SLC39A11: variants seen among roughly 807,000 people sequenced by gnomAD.
The protein encoded by SLC39A11 is zinc transporter ZIP11.
SLC39A11 carries 33 observed loss-of-function variants against 36.1 expected under a neutral mutation model. The observed-to-expected ratio is 0.91, with a 90% CI of 0.69 to 1.22. SLC39A11 has a LOEUF of 1.22. Among genes scored for constraint, SLC39A11 ranks in the 50% most tolerant of loss-of-function variants. SLC39A11 has a pLI of 0.00. For missense variants in SLC39A11, 432 were observed against 430.3 expected (o/e 1.00, Z -0.03); for synonymous variants, 166 against 170.3 (o/e 0.97, Z 0.20).
chr17:72,960,750 G>T (rs2086558753), intron 4 of SLC39A11, among the ~76,000 whole-genome samples: 3 of 152,060 alleles, frequency 2.0e-5, no homozygotes, highest in Admixed American at 1.3e-4. Flanking sequence ...GCTGAAGGCT[G>T]CAGTGAGCCA....
At chr17:73,028,280 G>A (rs58524092) in intron 4 of SLC39A11, among the ~76,000 whole-genome samples, 6,638 of 152,220 alleles carry the variant, frequency 0.044, 186 homozygotes, top group East Asian at 0.077. Flanking sequence ...ATAAACGCGT[G>A]GGTGCTCAGT....
rs575587631 is a variant in SLC39A11, at chr17:73,013,912, C to T, written c.306+17644G>A. ...TGACTCCTAAATCAGGAATCTGAGA[C>T]GCAGAGGCCCAGCGATTTGATGGAG... On this transcript the variant is annotated intron_variant, in intron 4 of 9. Transcript: ENST00000255559. 3.3e-5 allele frequency among the ~76,000 whole-genome samples: 5 copies of T among 152,236 alleles called. No homozygotes were observed. The South Asian group carries it at 6.2e-4, about 19-fold the overall frequency.
intron 5 of SLC39A11, among the ~76,000 whole-genome samples, chr17:72,924,945 T>C (rs1038822991): frequency 1.4e-5 from 2 of 142,774 alleles, no homozygotes; most frequent in African/African-American, 5.4e-5. Context: ...GAGGTTGCAG[T>C]GAGCCGAGAT....
At chr17:72,908,470 A>G (rs778633047) in intron 5 of SLC39A11, among the ~76,000 whole-genome samples, 6 of 152,160 alleles carry the variant, frequency 3.9e-5, no homozygotes, top group Non-Finnish European at 8.8e-5. Context: ...CCAAGACACT[A>G]TGTGACTTGC....
intron 7 of SLC39A11, among the ~76,000 whole-genome samples, chr17:72,651,910 C>T (rs2069871623): frequency 6.6e-6 from 1 of 152,156 alleles, no homozygotes; most frequent in Non-Finnish European, 1.5e-5. Context: ...CGAGTCTACC[C>T]AAATCCCTGT....
intron 4 of SLC39A11, among the ~76,000 whole-genome samples, chr17:72,981,744 CATAA>C (rs1223599215): frequency 1.3e-5 from 2 of 152,012 alleles, no homozygotes; most frequent in Non-Finnish European, 2.9e-5. Context: ...TTGGAAGCAC[CATAA>C]ACAGACTCAC....
At chr17:72,789,368 C>T (rs1394093660) in intron 6 of SLC39A11, among the ~76,000 whole-genome samples, 8 of 152,218 alleles carry the variant, frequency 5.3e-5, no homozygotes, top group African/African-American at 1.7e-4. Flanking sequence ...AGCACATGCA[C>T]TGTGACGTGC....
At chr17:73,011,192 C>T (rs919957413) in intron 4 of SLC39A11, among the ~76,000 whole-genome samples, 11 of 152,174 alleles carry the variant, frequency 7.2e-5, no homozygotes, top group Non-Finnish European at 1.5e-4. Context: ...AAGAAATGCA[C>T]AAGATGCACC....
At chr17:73,071,839 T>C (rs1255512962) in intron 3 of SLC39A11, among the ~76,000 whole-genome samples, 1 of 152,186 alleles carries the variant, frequency 6.6e-6, no homozygotes, top group Non-Finnish European at 1.5e-5. Context: ...AAGGCACCCA[T>C]GTACTTTGCC....
intron 7 of SLC39A11, among the ~76,000 whole-genome samples, chr17:72,662,131 C>T (rs992643911): frequency 6.6e-6 from 1 of 152,074 alleles, no homozygotes; most frequent in African/African-American, 2.4e-5. Context: ...AAACTGGGCG[C>T]AGTGGTTCGC....
intron 3 of SLC39A11, among the ~76,000 whole-genome samples, chr17:73,046,263 G>C (rs2059287382): frequency 6.6e-6 from 1 of 152,140 alleles, no homozygotes; most frequent in African/African-American, 2.4e-5. Flanking sequence ...GCTCCTCCTT[G>C]TTCTAAATAG....
At chr17:72,818,228 G>T (rs919949573) in intron 6 of SLC39A11, among the ~76,000 whole-genome samples, 1 of 152,170 alleles carries the variant, frequency 6.6e-6, no homozygotes, top group Non-Finnish European at 1.5e-5. Flanking sequence ...AGCCTGAAAG[G>T]TCCAATCATC....
chr17:72,759,346 A>G (rs1568042790), intron 6 of SLC39A11, among the ~76,000 whole-genome samples: 1 of 152,180 alleles, frequency 6.6e-6, no homozygotes, highest in Non-Finnish European at 1.5e-5. Context: ...TGATCAAGAG[A>G]AACCAGGGTG....
At chr17:72,736,324 C>T (rs902867199) in intron 7 of SLC39A11, among the ~76,000 whole-genome samples, 4 of 152,304 alleles carry the variant, frequency 2.6e-5, no homozygotes, top group East Asian at 1.9e-4. Context: ...AAAGGAAAGG[C>T]CTGAAGAGTG....
At chr17:72,714,474 A>G (rs1272517528) in intron 7 of SLC39A11, among the ~76,000 whole-genome samples, 4 of 152,204 alleles carry the variant, frequency 2.6e-5, no homozygotes, top group African/African-American at 9.6e-5. Context: ...GGTCGCCAAA[A>G]AAGGAAGGAA....
intron 5 of SLC39A11, among the ~76,000 whole-genome samples, chr17:72,929,602 C>G (rs2084259913): frequency 6.6e-6 from 1 of 152,086 alleles, no homozygotes; most frequent in East Asian, 1.9e-4. Flanking sequence ...AAAAAATTCC[C>G]AAATATTGAA....
intron 7 of SLC39A11, among the ~76,000 whole-genome samples, chr17:72,667,636 G>A (rs901803693): frequency 6.6e-6 from 1 of 152,138 alleles, no homozygotes; most frequent in Admixed American, 6.5e-5. Flanking sequence ...CTATGAAGAT[G>A]GTGGGCAAAG....
intron 3 of SLC39A11, among the ~76,000 whole-genome samples, chr17:73,064,203 G>T (rs2059929629): frequency 6.6e-6 from 1 of 152,118 alleles, no homozygotes; most frequent in Non-Finnish European, 1.5e-5. Flanking sequence ...GGTTCCATTT[G>T]GTTTGCTGTT....
intron 7 of SLC39A11, among the ~76,000 whole-genome samples, chr17:72,695,149 T>C (rs1370751913): frequency 3.9e-5 from 6 of 152,210 alleles, no homozygotes; most frequent in African/African-American, 2.4e-5. Context: ...TGAGTTACTC[T>C]GACCTCATCT....
Sources: allele counts gnomAD v4.1 joint callset (sites outside exome capture counted in the v4.1 genomes callset), GRCh38; gene constraint gnomAD v4.1.1; transcripts MANE v1.5; gene names NCBI Gene and HGNC (gene_info 2026-07-23, HGNC 2026-07-21).